The following SLC6A20 variants were observed in gnomAD, a reference collection of about 807,000 sequenced individuals.
The protein encoded by SLC6A20 is solute carrier family 6 member 20.
In SLC6A20, 73 loss-of-function variants were observed where a neutral mutation model predicts 64.3. The observed-to-expected ratio is 1.14, with a 90% CI of 0.94 to 1.38. The LOEUF (loss-of-function observed/expected upper bound fraction) is 1.38, where lower values mean the gene tolerates loss of function less well. Among genes scored for constraint, SLC6A20 ranks in the 40% most tolerant of loss-of-function variants. The pLI is 0.00. For synonymous variants in SLC6A20, 347 were observed against 329.6 expected, an observed-to-expected ratio of 1.05 and a Z score of -0.57; for missense variants, 725 against 772.8, an observed-to-expected ratio of 0.94 and a Z score of 0.73.
At chr3:45,787,998 T>C (rs1700196965) in intron 1 of SLC6A20, among the ~76,000 whole-genome samples, 1 of 152,104 alleles carries the variant, frequency 6.6e-6, no homozygotes, top group Non-Finnish European at 1.5e-5. Flanking sequence ...CAGGCTGGAG[T>C]GCAGTGGTGC....
intron 3 of SLC6A20, among the ~76,000 whole-genome samples, chr3:45,777,435 T>C (rs575087776): frequency 6.6e-6 from 1 of 152,220 alleles, no homozygotes; most frequent in Non-Finnish European, 1.5e-5. Context: ...CATGTGCACA[T>C]TTCTCCCATC....
rs1239415065 is a variant in SLC6A20, at chr3:45,780,196, G to A, written c.263-96C>T. 36 of 1,218,480 alleles carry A rather than the reference G, an allele frequency of 3.0e-5. No individual in the cohort carries two copies. The East Asian group carries it at 4.3e-4, about 15-fold the overall frequency. The allele number at this position is 1,218,480 out of a possible 1,614,324, so 75.5% of individuals were successfully genotyped here. On this transcript the variant is annotated intron_variant, in intron 2 of 10. Coordinates refer to ENST00000358525, the MANE Select transcript of SLC6A20 (RefSeq NM_020208.4). ...CTCCCAGGACACACCTGTGGCGACC[G>A]CCCCGGGGTGGGCGAGGCCTCCCTC...
At chr3:45,780,582 G>C (rs1184761646) in intron 2 of SLC6A20, among the ~76,000 whole-genome samples, 1 of 152,198 alleles carries the variant, frequency 6.6e-6, no homozygotes, top group Non-Finnish European at 1.5e-5. Context: ...ACCAGCGGTT[G>C]AGTCACCTGG....
intron 9 of SLC6A20, 42 bp from the exon 10 acceptor site, chr3:45,760,064 T>A: frequency 6.3e-7 from 1 of 1,581,052 alleles, no homozygotes; most frequent in Non-Finnish European, 8.6e-7. Flanking sequence ...TTAACCAGGC[T>A]GCGGAGGTCA....
chr3:45,763,970 G>C (rs979047488), intron 8 of SLC6A20, among the ~76,000 whole-genome samples: 1 of 152,210 alleles, frequency 6.6e-6, no homozygotes, highest in Non-Finnish European at 1.5e-5. Context: ...CCAGGCCTGA[G>C]GAGGGGGTCT....
At chr3:45,764,685 G>A (rs1322394494) in intron 8 of SLC6A20, among the ~76,000 whole-genome samples, 1 of 144,002 alleles carries the variant, frequency 6.9e-6, no homozygotes, top group East Asian at 2.0e-4. Context: ...CTGGGTGACA[G>A]AGTGAGACTG....
At chr3:45,794,910 C>T (rs1377969091) in intron 1 of SLC6A20, among the ~76,000 whole-genome samples, 3 of 152,168 alleles carry the variant, frequency 2.0e-5, no homozygotes, top group Admixed American at 2.0e-4. Context: ...TATTTATGCA[C>T]TTCAAATTTT....
intron 2 of SLC6A20, among the ~76,000 whole-genome samples, chr3:45,780,840 C>T (rs1341054417): frequency 2.0e-5 from 3 of 152,150 alleles, no homozygotes; most frequent in Non-Finnish European, 4.4e-5. Flanking sequence ...TCCGCAAATG[C>T]TATAAACCAG....
rs886355708 is a variant in SLC6A20 at position 45,765,351 on chromosome 3, G to C, written c.1303+186C>G. ...TTCCCTGTGATGTGGAGAATGGAAC[G>C]CACAGGGTGAATCACATGGCCCAGG... On this transcript the variant is annotated intron_variant, in intron 8 of 10. Transcript: ENST00000358525. This position sits in a 1 kb window ranked among gnomAD's most constrained non-coding sequence, Gnocchi z 4.2. 1.3e-5 allele frequency among the ~76,000 whole-genome samples: 2 copies of C among 152,164 alleles called. No homozygotes were observed. The highest frequency in any genetic ancestry group is 2.9e-5 in the Non-Finnish European group (2 of 68,008).
chr3:45,787,208 G>A (rs1006701175), intron 1 of SLC6A20, among the ~76,000 whole-genome samples: 1 of 152,082 alleles, frequency 6.6e-6, no homozygotes. Context: ...CTTCCCTGCC[G>A]CTGGCCTCTC....
chr3:45,780,422 C>T lies in SLC6A20; in HGVS notation c.263-322G>A, dbSNP rs534901309. On this transcript the variant is annotated intron_variant, in intron 2 of 10. Transcript: ENST00000358525. ...CCTTACAACAGTATTATCTTCATAT[C>T]GCAGAAGAGAAAACTGAGGCCTGGA... Among the ~76,000 whole-genome samples, 8 of 152,322 alleles carry T rather than the reference C, an allele frequency of 5.3e-5. No homozygotes were observed. The South Asian group carries it at 8.3e-4, about 16-fold the overall frequency.
At chr3:45,764,236 A>C (rs187522442) in intron 8 of SLC6A20, among the ~76,000 whole-genome samples, 1 of 152,366 alleles carries the variant, frequency 6.6e-6, no homozygotes, top group Non-Finnish European at 1.5e-5. Context: ...GTCCATCAAC[A>C]GCAGAATGGA....
At position 45,771,462 on chromosome 3, in the gene SLC6A20, G is replaced by T. The variant is rs2125725514; in HGVS notation, c.694-4C>A. ...TGGGGTTGGCCAGCTGCTCTATCTG[G>T]AAGGCCAGCAGGGACAGGGCTGATG... On this transcript the variant is annotated splice_polypyrimidine_tract_variant and splice_region_variant and intron_variant, in intron 5 of 10. Coordinates refer to ENST00000358525, the MANE Select transcript of SLC6A20 (RefSeq NM_020208.4). 6.2e-7 allele frequency: 1 copy of T among 1,614,044 alleles called. No homozygotes were observed. Among genetic ancestry groups the T allele is most frequent in the East Asian group, 2.2e-5 (1 of 44,878 alleles).
At chr3:45,780,183 A>G in intron 2 of SLC6A20, 83 bp from the exon 3 acceptor site, 1 of 1,344,266 alleles carries the variant, frequency 7.4e-7, no homozygotes, top group Non-Finnish European at 1.0e-6. Flanking sequence ...CCCAGGACAC[A>G]CCTGTGGCGA....
At chr3:45,778,348 T>C (rs937924663) in intron 3 of SLC6A20, among the ~76,000 whole-genome samples, 12 of 152,234 alleles carry the variant, frequency 7.9e-5, no homozygotes, top group African/African-American at 2.7e-4. Context: ...GGGACCTATG[T>C]CTGGCCCAAA....
At position 45,765,475 on chromosome 3, in the gene SLC6A20, T is replaced by G. The variant is rs955634724; in HGVS notation, c.1303+62A>C. On this transcript the variant is annotated intron_variant, in intron 8 of 10. Transcript: ENST00000358525. The surrounding 1 kb of genome is among the most constrained non-coding windows in gnomAD (Gnocchi z 4.2). ...CATGACCCCTGAGGGAGCTCTCCCC[T>G]GTTCACCCCCACGCCTTGGCCCTCC... 2 of 1,547,696 alleles carry G rather than the reference T, an allele frequency of 1.3e-6. No individual in the cohort carries two copies. The highest frequency in any genetic ancestry group is 2.7e-5 in the African/African-American group (2 of 73,362).
Position 45,765,609 on chromosome 3 carries a change from T to G in SLC6A20, c.1231A>C (p.Thr411Pro), listed in dbSNP as rs1199565051. 1 of 1,614,130 alleles carries G rather than the reference T, an allele frequency of 6.2e-7. No homozygotes were observed. Among genetic ancestry groups the G allele is most frequent in the African/African-American group, 1.3e-5 (1 of 75,000 alleles). The change falls in exon 8 of 11, where the codon ACA (threonine) becomes CCA (proline). Residue 411 changes from threonine (T) to proline (P), a missense_variant. Physicochemically the swap from Thr to Pro is conservative, Grantham distance 38 (BLOSUM62 -1). Coordinates refer to ENST00000358525, the MANE Select transcript of SLC6A20 (RefSeq NM_020208.4). The surrounding 1 kb of genome is among the most constrained non-coding windows in gnomAD (Gnocchi z 4.2). ...MLGIGSMLGNTAAILTPLTDS... is the reference protein window; with the variant it reads ...MLGIGSMLGNPAAILTPLTDS... ...GTCAGAGGGGTGAGGATGGCCGCTGTGTTCCCCAGCATGCTCCCAATGCCC... is the reference window on the plus strand; with the variant it reads ...GTCAGAGGGGTGAGGATGGCCGCTGGGTTCCCCAGCATGCTCCCAATGCCC...
chr3:45,770,865 T>C (rs896034946), intron 6 of SLC6A20, among the ~76,000 whole-genome samples: 1 of 152,248 alleles, frequency 6.6e-6, no homozygotes, highest in Non-Finnish European at 1.5e-5. Flanking sequence ...ATGATGTCTT[T>C]GTATTTTGGG....
At position 45,771,384 on chromosome 3, in the gene SLC6A20, G is replaced by A. The variant is rs1278249139; in HGVS notation, c.768C>T (p.Phe256=). ...TQIFFSLGLG[F]GSLIAFASYN... is the part of the protein sequence containing the mutation. ...AGCTGGCGAAGGCGATCAGGCTGCC[G>A]AAGCCCAGGCCAAGTGAGAAGAAGA... The change falls in exon 6 of 11, where the codon TTC becomes TTT. Residue 256 remains phenylalanine (F), a synonymous_variant. Transcript: ENST00000358525. 27 of 1,614,120 alleles carry A rather than the reference G, an allele frequency of 1.7e-5. No individual in the cohort carries two copies. In the Admixed American group the frequency reaches 2.8e-4, roughly 17 times the overall value.
Sources: gnomAD v4.1 joint callset for allele counts (sites outside exome capture counted in the v4.1 genomes callset) on GRCh38, gnomAD v4.1.1 for gene constraint, Gnocchi (gnomAD v3.1) non-coding constraint, MANE v1.5 for transcripts, NCBI Gene and HGNC (gene_info 2026-07-23, HGNC 2026-07-21) for gene names.